The following PI4K2A variants were observed in gnomAD, a reference collection of about 807,000 sequenced individuals.
The protein encoded by PI4K2A is phosphatidylinositol 4-kinase type 2 alpha, also known as phosphatidylinositol 4-kinase type 2-alpha.
A neutral mutation model predicts 55.0 loss-of-function variants in PI4K2A; 20 were observed. The observed-to-expected ratio is 0.36, with a 90% CI of 0.26 to 0.53. The LOEUF is 0.53. Ranked by LOEUF, PI4K2A falls within the 20% of genes least tolerant of loss-of-function variation. PI4K2A has a pLI of 0.91. For synonymous variants in PI4K2A, 235 were observed against 258.5 expected (o/e 0.91, Z 0.87); for missense variants, 463 against 637.1 (o/e 0.73, Z 2.94).
At chr10:97,663,269 G>A (rs2041595195) in intron 5 of PI4K2A, among the ~76,000 whole-genome samples, 1 of 152,148 alleles carries the variant, frequency 6.6e-6, no homozygotes, top group South Asian at 2.1e-4. Context: ...GAAGTACTAC[G>A]TTAAACAAAC....
Position 97,650,941 on chromosome 10 carries a change from A to G in PI4K2A, c.436A>G (p.Arg146Gly), listed in dbSNP as rs202070275. The G allele has an allele frequency of 3.8e-5, 62 of 1,611,030 alleles. No individual in the cohort carries two copies. The highest frequency in any genetic ancestry group is 4.8e-5 in the Non-Finnish European group (57 of 1,177,362). Residue 146 changes from arginine (R) to glycine (G), a missense_variant and splice_region_variant, in exon 2 of 9, where the codon AGG (arginine) becomes GGG (glycine). This residue lies in a region of PI4K2A where 277 missense variants were observed against 432.6 expected (regional missense o/e 0.64). Transcript: ENST00000370631. ...TCCTCTTTTTCTTTGGTCTCTGTAG[A>G]GGATCATTGCTGTCTTCAAACCCAA...
chr10:97,670,562 A>C (rs1289946795), intron 8 of PI4K2A, among the ~76,000 whole-genome samples: 3 of 152,204 alleles, frequency 2.0e-5, no homozygotes, highest in Non-Finnish European at 4.4e-5. Context: ...ATACTCCCGC[A>C]ATCTCCTTTT....
At chr10:97,655,904 C>T (rs529161798) in intron 2 of PI4K2A, among the ~76,000 whole-genome samples, 1 of 152,202 alleles carries the variant, frequency 6.6e-6, no homozygotes, top group South Asian at 2.1e-4. Flanking sequence ...ACATCTCAGA[C>T]TCATGCCAGA....
At chr10:97,669,576 T>C (rs751331266) in intron 8 of PI4K2A, among the ~76,000 whole-genome samples, 1 of 152,222 alleles carries the variant, frequency 6.6e-6, no homozygotes, top group Non-Finnish European at 1.5e-5. Context: ...AGGGTGACCA[T>C]CCAGCTCCTT....
chr10:97,655,553 A>G (rs937977637), intron 2 of PI4K2A, among the ~76,000 whole-genome samples: 2 of 151,870 alleles, frequency 1.3e-5, no homozygotes, highest in Admixed American at 6.6e-5. Flanking sequence ...GTGGTTTAAT[A>G]CAATTGGATT....
At chr10:97,642,837 TC>T (rs1564772219) in intron 1 of PI4K2A, among the ~76,000 whole-genome samples, 58 of 4,782 alleles carry the variant, frequency 0.012, 4 homozygotes, top group African/African-American at 0.021. Flanking sequence ...CTTCCTTCCT[TC>T]CTTCCTTCCT....
At chr10:97,673,592 G>A in exon 9 of PI4K2A, 1 of 1,613,990 alleles carries the variant, frequency 6.2e-7, no homozygotes, top group Non-Finnish European at 8.5e-7. Flanking sequence ...TCTTAAATCT[G>A]ACCCAGGCCT....
In PI4K2A at chr10:97,666,544, G is replaced by A. The variant is rs2135760911; in HGVS notation, c.1191G>A (p.Leu397=). The change falls in exon 7 of 9, where the codon TTG becomes TTA. Residue 397 remains leucine, a synonymous_variant. Coordinates refer to ENST00000370631, the Ensembl canonical transcript of PI4K2A. ...CGGACCCTAACTTCGTCAAGGACTT[G>A]GAAGAGGACCTATATGAACTCTTCA... 3.1e-6 allele frequency: 5 copies of A among 1,613,778 alleles called. No homozygotes were observed. In the East Asian group the frequency reaches 6.7e-5, roughly 22 times the overall value.
At chr10:97,650,997 T>G (rs1188255731) in exon 2 of PI4K2A, 1 of 1,614,090 alleles carries the variant, frequency 6.2e-7, no homozygotes, top group Non-Finnish European at 8.5e-7. Context: ...ATCTTAATCC[T>G]AAGTGGACCA....
exon 9 of PI4K2A, chr10:97,673,722 C>T (rs2041647615): frequency 6.2e-7 from 1 of 1,613,912 alleles, no homozygotes; most frequent in African/African-American, 1.3e-5. Flanking sequence ...GAGCCGGAAG[C>T]CCTTCTTTTC....
At chr10:97,668,176 T>C (rs768075487) in intron 8 of PI4K2A, among the ~76,000 whole-genome samples, 4 of 152,220 alleles carry the variant, frequency 2.6e-5, no homozygotes, top group Admixed American at 6.5e-5. Flanking sequence ...GTGGTCACAG[T>C]GCCTGGGTTT....
At chr10:97,644,571 A>T (rs1372555939) in intron 1 of PI4K2A, among the ~76,000 whole-genome samples, 5 of 152,178 alleles carry the variant, frequency 3.3e-5, no homozygotes, top group Admixed American at 3.3e-4. Flanking sequence ...TCTTCCTGCC[A>T]GCTGATCAGC....
chr10:97,671,030 G>A (rs565647685), intron 8 of PI4K2A, among the ~76,000 whole-genome samples: 8 of 152,116 alleles, frequency 5.3e-5, no homozygotes, highest in African/African-American at 1.4e-4. Flanking sequence ...CCAGCTACTC[G>A]GGAGGCTGAG....
intron 8 of PI4K2A, among the ~76,000 whole-genome samples, chr10:97,667,704 C>T (rs2135761619): frequency 6.6e-6 from 1 of 152,294 alleles, no homozygotes; most frequent in Middle Eastern, 3.4e-3. Flanking sequence ...TGCTCTCTGT[C>T]CTAGAGTTGC....
At chr10:97,659,291 C>T (rs1000245510) in intron 4 of PI4K2A, among the ~76,000 whole-genome samples, 2 of 152,116 alleles carry the variant, frequency 1.3e-5, no homozygotes, top group Non-Finnish European at 2.9e-5. Flanking sequence ...ACCTCAGCCT[C>T]TCAAAGTGCT....
At chr10:97,662,931 T>C in exon 5 of PI4K2A, 2 of 1,608,556 alleles carry the variant, frequency 1.2e-6, no homozygotes, top group Non-Finnish European at 1.7e-6. Flanking sequence ...AACTGGCTGA[T>C]TAAATATGAC....
At chr10:97,658,340 A>T (rs1029629831) in intron 4 of PI4K2A, among the ~76,000 whole-genome samples, 46 of 152,218 alleles carry the variant, frequency 3.0e-4, no homozygotes, top group Non-Finnish European at 4.4e-5. Flanking sequence ...CTCAAGGTAC[A>T]TCTATGATGT....
exon 9 of PI4K2A, chr10:97,673,757 A>G (rs1488915536): frequency 6.2e-7 from 1 of 1,612,838 alleles, no homozygotes; most frequent in Non-Finnish European, 8.5e-7. Context: ...AGAGGCAGGC[A>G]GAGGAAATAT....
intron 1 of PI4K2A, among the ~76,000 whole-genome samples, chr10:97,642,839 C>T (rs1232219246): frequency 0.42 from 7,353 of 17,318 alleles, 1,139 homozygotes; most frequent in East Asian, 0.52. Context: ...TCCTTCCTTC[C>T]TTCCTTCCTT....
Sources: allele counts gnomAD v4.1 joint callset (sites outside exome capture counted in the v4.1 genomes callset), GRCh38; gene constraint gnomAD v4.1.1; regional missense constraint gnomAD v4.1.1; transcripts MANE v1.5; gene names NCBI Gene and HGNC (gene_info 2026-07-23, HGNC 2026-07-21).